MMP16: variants seen among roughly 807,000 people sequenced by gnomAD.
MMP16 encodes the protein matrix metallopeptidase 16, also known as matrix metalloproteinase-16.
Under a neutral mutation model 67.8 loss-of-function variants are expected in MMP16, and 12 were observed. That is an observed-to-expected ratio of 0.18 (90% CI 0.11 to 0.29). MMP16 has a LOEUF of 0.29. Among genes scored for constraint, MMP16 ranks in the 10% least tolerant of loss-of-function variants. The pLI is 1.00. For missense variants in MMP16, 475 were observed against 765.7 expected (o/e 0.62, Z 4.48); for synonymous variants, 249 against 255.9 (o/e 0.97, Z 0.26).
intron 9 of MMP16, among the ~76,000 whole-genome samples, chr8:88,045,197 A>G (rs28906973): frequency 5.9e-5 from 9 of 152,342 alleles, no homozygotes; most frequent in Admixed American, 5.9e-4. Context: ...CTTGTGGGAC[A>G]CTATCACACA....
chr8:88,264,723 C>A (rs1485533874), intron 1 of MMP16, among the ~76,000 whole-genome samples: 1 of 152,154 alleles, frequency 6.6e-6, no homozygotes, highest in Non-Finnish European at 1.5e-5. Context: ...TTGGGCACAG[C>A]ACATACATGA....
rs200928202 is a variant in MMP16, at chr8:88,147,178, G to GT, written c.709+20490dup. Among the ~76,000 whole-genome samples the GT allele has an allele frequency of 2.4e-4, 36 of 151,956 alleles. No individual in the cohort carries two copies. The East Asian group carries it at 5.4e-3, about 23-fold the overall frequency. ...AATTTCCATCTTTCTAAAAACTATAGTTTTTTCTGATGCAATTTTAAATTT... is the reference window on the plus strand; with the variant it reads ...AATTTCCATCTTTCTAAAAACTATAGTTTTTTTCTGATGCAATTTTAAATTT... On this transcript the variant is annotated intron_variant, in intron 4 of 9. Transcript: ENST00000286614.
intron 1 of MMP16, among the ~76,000 whole-genome samples, chr8:88,221,812 T>C (rs909857016): frequency 2.6e-5 from 4 of 152,044 alleles, no homozygotes; most frequent in Admixed American, 2.0e-4. Context: ...AAAGCAATTA[T>C]ATTTACTTTT....
intron 7 of MMP16, among the ~76,000 whole-genome samples, chr8:88,070,612 G>A (rs941040192): frequency 1.3e-5 from 2 of 151,938 alleles, no homozygotes; most frequent in Admixed American, 6.6e-5. Context: ...TTTCTCCTGT[G>A]CACTGAAGCT....
chr8:88,191,851 G>A (rs561985373), intron 2 of MMP16, among the ~76,000 whole-genome samples: 5 of 152,306 alleles, frequency 3.3e-5, no homozygotes, highest in South Asian at 2.1e-4. Flanking sequence ...CAGGAAGGCC[G>A]TGCTTCAACA....
At chr8:88,284,892 G>C (rs924027636) in intron 1 of MMP16, among the ~76,000 whole-genome samples, 14 of 147,856 alleles carry the variant, frequency 9.5e-5, no homozygotes, top group Non-Finnish European at 1.5e-4. Flanking sequence ...GTGTCGTCTA[G>C]CCTCAGCTAA....
chr8:88,236,332 G>A (rs1809939601), intron 1 of MMP16, among the ~76,000 whole-genome samples: 1 of 152,204 alleles, frequency 6.6e-6, no homozygotes, highest in South Asian at 2.1e-4. Context: ...AGGTTCAAAT[G>A]CAATGTGCTT....
intron 3 of MMP16, among the ~76,000 whole-genome samples, chr8:88,172,478 T>C (rs1262960315): frequency 2.6e-5 from 4 of 152,228 alleles, no homozygotes; most frequent in Admixed American, 6.5e-5. Context: ...ATGTATTTTG[T>C]ATTTATTCAT....
chr8:88,052,330 G>T (rs1418389905), intron 8 of MMP16, among the ~76,000 whole-genome samples: 1 of 152,076 alleles, frequency 6.6e-6, no homozygotes, highest in East Asian at 1.9e-4. Flanking sequence ...CCTAGAAGTT[G>T]CCCTGATTTA....
At chr8:88,161,232 A>G (rs147446173) in intron 4 of MMP16, among the ~76,000 whole-genome samples, 12,491 of 152,138 alleles carry the variant, frequency 0.082, 548 homozygotes, top group African/African-American at 0.11. Context: ...AGAGCCTGTT[A>G]CTGGTCTATT....
intron 1 of MMP16, among the ~76,000 whole-genome samples, chr8:88,224,728 GA>G (rs199564436): frequency 1.4e-4 from 21 of 149,726 alleles, no homozygotes; most frequent in East Asian, 2.0e-4. Flanking sequence ...GAGATCTGTG[GA>G]AAAAAAAAGG....
intron 7 of MMP16, chr8:88,069,599 T>C: frequency 4.4e-6 from 2 of 454,090 alleles, no homozygotes; most frequent in Non-Finnish European, 8.6e-6. Context: ...TAGGCAGGCT[T>C]ATTGCTAATT....
At chr8:88,132,722 G>GA (rs1808053256) in intron 4 of MMP16, among the ~76,000 whole-genome samples, 1 of 151,804 alleles carries the variant, frequency 6.6e-6, no homozygotes, top group Non-Finnish European at 1.5e-5. Context: ...CTATTCATTA[G>GA]ATGTGAGCCA....
chr8:88,278,656 C>A (rs554458484), intron 1 of MMP16, among the ~76,000 whole-genome samples: 6 of 152,212 alleles, frequency 3.9e-5, no homozygotes, highest in East Asian at 3.9e-4. Flanking sequence ...GGATTTTGTA[C>A]ATAATTTTGA....
chr8:88,067,624 T>A (rs932369765), intron 7 of MMP16, among the ~76,000 whole-genome samples: 1 of 152,148 alleles, frequency 6.6e-6, no homozygotes, highest in Non-Finnish European at 1.5e-5. Context: ...TTTATCACTA[T>A]AGATCAGTTT....
intron 1 of MMP16, among the ~76,000 whole-genome samples, chr8:88,269,821 A>G (rs1278492237): frequency 6.6e-6 from 1 of 152,196 alleles, no homozygotes; most frequent in Non-Finnish European, 1.5e-5. Context: ...CAAATATAGC[A>G]GTTTTTGTGG....
intron 1 of MMP16, among the ~76,000 whole-genome samples, chr8:88,295,595 G>T (rs189341301): frequency 6.6e-6 from 1 of 150,706 alleles, no homozygotes; most frequent in African/African-American, 2.4e-5. Context: ...TGTGAGTGAT[G>T]ATCTCAAGTT....
intron 4 of MMP16, among the ~76,000 whole-genome samples, chr8:88,151,711 G>A (rs1019908970): frequency 6.6e-6 from 1 of 151,636 alleles, no homozygotes; most frequent in African/African-American, 2.4e-5. Context: ...TGCATTCAAA[G>A]CAGTGTGTAG....
At chr8:88,090,817 G>A (rs1179902292) in intron 6 of MMP16, among the ~76,000 whole-genome samples, 1 of 151,702 alleles carries the variant, frequency 6.6e-6, no homozygotes, top group Non-Finnish European at 1.5e-5. Context: ...TAGCTTTTGT[G>A]GTCTGGATAT....
Sources: gnomAD v4.1 joint callset for allele counts (sites outside exome capture counted in the v4.1 genomes callset) on GRCh38, gnomAD v4.1.1 for gene constraint, MANE v1.5 for transcripts, NCBI Gene and HGNC (gene_info 2026-07-23, HGNC 2026-07-21) for gene names.